Variants in TENM3 observed in about 807,000 individuals in gnomAD.
TENM3 encodes the protein teneurin transmembrane protein 3.
A neutral mutation model predicts 255.1 loss-of-function variants in TENM3; 63 were observed. The observed-to-expected ratio is 0.25, with a 90% CI of 0.20 to 0.30. The LOEUF is 0.30. TENM3 is among the 10% of genes least tolerant of loss of function. TENM3 has a pLI of 1.00. For missense variants in TENM3, 2,929 were observed against 3,461.1 expected, an observed-to-expected ratio of 0.85 and a Z score of 3.86; for synonymous variants, 1,306 against 1,322.3, an observed-to-expected ratio of 0.99 and a Z score of 0.27.
intron 22 of TENM3, among the ~76,000 whole-genome samples, chr4:182,769,910 GCCTGACCAATAT>G (rs1764044738): frequency 6.6e-6 from 1 of 151,996 alleles, no homozygotes; most frequent in Admixed American, 6.6e-5. Context: ...TTTGAGACCA[GCCTGACCAATAT>G]GGTGAAATCC....
intron 3 of TENM3, among the ~76,000 whole-genome samples, chr4:182,486,187 A>G (rs1245414881): frequency 1.3e-5 from 2 of 152,136 alleles, no homozygotes; most frequent in Admixed American, 6.6e-5. Flanking sequence ...GTAGATGGAA[A>G]GCCACTGGAA....
chr4:181,580,803 G>A, the TENM3 span, among the ~76,000 whole-genome samples: 1 of 152,298 alleles, frequency 6.6e-6, no homozygotes, highest in South Asian at 2.1e-4. Context: ...TTGGTGGCCT[G>A]TCTTCATAAA....
At chr4:182,667,293 T>C (rs1754781679) in intron 6 of TENM3, among the ~76,000 whole-genome samples, 1 of 152,040 alleles carries the variant, frequency 6.6e-6, no homozygotes, top group African/African-American at 2.4e-5. Context: ...CAGGTTCAAG[T>C]GATTCTCCTG....
In TENM3 at chr4:182,793,632, A is replaced by C; in HGVS notation, c.6960A>C (p.Ala2320=). ...TGCTGAAACAGATTCAGTACACTGCATATGGGGAAATCTATTTTGACTCTA... is the reference window on the plus strand; with the variant it reads ...TGCTGAAACAGATTCAGTACACTGCCTATGGGGAAATCTATTTTGACTCTA... The part of the protein sequence containing the change: ...GLMLKQIQYT[A]YGEIYFDSNI... The change falls in exon 26 of 28, where the codon GCA becomes GCC. Residue 2320 remains alanine (A), a synonymous_variant. Transcript: ENST00000511685. The surrounding 1 kb of genome is among the most constrained non-coding windows in gnomAD (Gnocchi z 5.7). 6.2e-7 allele frequency: 1 copy of C among 1,614,036 alleles called. No individual in the cohort carries two copies. The highest frequency in any genetic ancestry group is 8.5e-7 in the Non-Finnish European group (1 of 1,179,890).
the TENM3 span, among the ~76,000 whole-genome samples, chr4:182,128,497 G>A: frequency 6.6e-6 from 1 of 152,060 alleles, no homozygotes; most frequent in South Asian, 2.1e-4. Flanking sequence ...TCAGCCACCA[G>A]CGCCTGGCCT....
At chr4:181,751,223 G>A in the TENM3 span, among the ~76,000 whole-genome samples, 1 of 152,040 alleles carries the variant, frequency 6.6e-6, no homozygotes, top group African/African-American at 2.4e-5. Context: ...AGCATTGCGG[G>A]GTTAGGGTTA....
chr4:182,335,808 T>C (rs1395633797), intron 2 of TENM3, among the ~76,000 whole-genome samples: 1 of 152,202 alleles, frequency 6.6e-6, no homozygotes, highest in Non-Finnish European at 1.5e-5. Flanking sequence ...ATATCTATAA[T>C]ATACTGAATG....
chr4:181,858,230 T>C, the TENM3 span, among the ~76,000 whole-genome samples: 9 of 152,336 alleles, frequency 5.9e-5, no homozygotes, highest in South Asian at 1.9e-3. Context: ...GCATATGTGT[T>C]GATATGCAAT....
At chr4:182,253,085 C>G (rs1758133936) in intron 1 of TENM3, among the ~76,000 whole-genome samples, 1 of 152,198 alleles carries the variant, frequency 6.6e-6, no homozygotes, top group Non-Finnish European at 1.5e-5. Context: ...GAGGCTTTAT[C>G]TCTCTTGTGT....
chr4:182,017,886 A>G, the TENM3 span, among the ~76,000 whole-genome samples: 1 of 152,206 alleles, frequency 6.6e-6, no homozygotes, highest in Admixed American at 6.5e-5. Context: ...TTTATAATTT[A>G]TTGGCAATGT....
the TENM3 span, among the ~76,000 whole-genome samples, chr4:181,644,075 C>CAA: frequency 8.1e-4 from 47 of 58,186 alleles, 1 homozygote; most frequent in East Asian, 3.8e-3. Flanking sequence ...GACTCCATCT[C>CAA]AAAAAAAAAA....
In TENM3 at chr4:182,610,178, T is replaced by A. The variant is rs929879986; in HGVS notation, c.749+9017T>A. ...AAATAACTGTGATAATATGTAACAG[T>A]GATAATATGGGAAAGAAATTCTCTG... On this transcript the variant is annotated intron_variant, in intron 4 of 27. Coordinates refer to ENST00000511685, the MANE Select transcript of TENM3 (RefSeq NM_001080477.4). Among the ~76,000 whole-genome samples, 4 of 152,284 alleles carry A rather than the reference T, an allele frequency of 2.6e-5. No homozygotes were observed. The East Asian group carries it at 7.7e-4, about 29-fold the overall frequency.
At chr4:182,017,185 C>T in the TENM3 span, among the ~76,000 whole-genome samples, 26 of 152,394 alleles carry the variant, frequency 1.7e-4, no homozygotes, top group African/African-American at 6.0e-4. Flanking sequence ...AACCAGAGTA[C>T]TCTGTTCCCA....
At chr4:182,737,124 G>T (rs1468904222) in intron 17 of TENM3, 49 bp downstream of exon 17, 4 of 1,564,702 alleles carry the variant, frequency 2.6e-6, no homozygotes, top group Admixed American at 1.8e-5. Context: ...CTCAAAGCCA[G>T]AACTATCATA....
At chr4:182,681,281 CAA>C (rs1756152299) in intron 10 of TENM3, among the ~76,000 whole-genome samples, 1 of 152,158 alleles carries the variant, frequency 6.6e-6, no homozygotes, top group Non-Finnish European at 1.5e-5. Context: ...TCTGCACACA[CAA>C]AGTAATGCAA....
chr4:182,092,623 G>A, the TENM3 span, among the ~76,000 whole-genome samples: 1 of 152,104 alleles, frequency 6.6e-6, no homozygotes, highest in South Asian at 2.1e-4. Flanking sequence ...CTCCAGCCTG[G>A]GCAATAGAGC....
intron 3 of TENM3, among the ~76,000 whole-genome samples, chr4:182,563,376 G>T (rs149460274): frequency 4.6e-5 from 7 of 152,148 alleles, no homozygotes; most frequent in Admixed American, 1.3e-4. Context: ...GGAGGTTGCA[G>T]TGAGCTGAGA....
At chr4:181,456,434 G>C in the TENM3 span, among the ~76,000 whole-genome samples, 1 of 151,696 alleles carries the variant, frequency 6.6e-6, no homozygotes, top group African/African-American at 2.4e-5. Flanking sequence ...AACGAACGAG[G>C]GCTTAGAAAA....
intron 3 of TENM3, among the ~76,000 whole-genome samples, chr4:182,594,533 C>G (rs939516036): frequency 6.6e-6 from 1 of 152,130 alleles, no homozygotes; most frequent in African/African-American, 2.4e-5. Flanking sequence ...CTAAATAAAT[C>G]AATAAAGTGA....
Sources: gnomAD v4.1 joint callset for allele counts (sites outside exome capture counted in the v4.1 genomes callset) on GRCh38, gnomAD v4.1.1 for gene constraint, Gnocchi (gnomAD v3.1) non-coding constraint, MANE v1.5 for transcripts, NCBI Gene and HGNC (gene_info 2026-07-23, HGNC 2026-07-21) for gene names.